TRIM50: variants seen among roughly 807,000 people sequenced by gnomAD.
TRIM50 encodes tripartite motif containing 50.
In TRIM50, 34 loss-of-function variants were observed where a neutral mutation model predicts 44.9. That is an observed-to-expected ratio of 0.76 (90% CI 0.58 to 1.01). The LOEUF is 1.01. TRIM50 is among the 50% of genes least tolerant of loss of function. TRIM50 has a pLI of 0.00. For missense variants in TRIM50, 633 were observed against 663.7 expected, an observed-to-expected ratio of 0.95 and a Z score of 0.51; for synonymous variants, 307 against 291.1, an observed-to-expected ratio of 1.05 and a Z score of -0.56.
chr7:73,323,512 G>A (rs1164711803), intron 2 of TRIM50, among the ~76,000 whole-genome samples: 8 of 152,104 alleles, frequency 5.3e-5, no homozygotes, highest in Admixed American at 1.3e-4. Context: ...ACCCAGTCAC[G>A]TGTTTTATAA....
intron 6 of TRIM50, chr7:73,314,608 G>T: frequency 3.9e-6 from 1 of 258,066 alleles, no homozygotes; most frequent in South Asian, 3.8e-5. Flanking sequence ...CAGCACTTTG[G>T]GAGGCTGAGA....
intron 5 of TRIM50, among the ~76,000 whole-genome samples, chr7:73,317,389 G>C (rs1398007865): frequency 3.0e-5 from 3 of 99,418 alleles, no homozygotes; most frequent in Admixed American, 1.3e-4. Flanking sequence ...ATGGAGTCTT[G>C]CTCTGTCGCC....
rs1804369159 is a variant in TRIM50 at position 73,316,692 on chromosome 7, G to A, written c.750-3C>T. On this transcript the variant is annotated splice_region_variant and splice_polypyrimidine_tract_variant and intron_variant, in intron 5 of 6. Transcript: ENST00000333149. ...GCCGGGCCTGCGGCATCTCTGCTCTGCAGGTGACAGTTCACAGTACAAGAG... is the reference window on the plus strand; with the variant it reads ...GCCGGGCCTGCGGCATCTCTGCTCTACAGGTGACAGTTCACAGTACAAGAG... The A allele has an allele frequency of 6.2e-7, 1 of 1,613,674 alleles. No individual in the cohort carries two copies. Among genetic ancestry groups the A allele is most frequent in the Non-Finnish European group, 8.5e-7 (1 of 1,179,952 alleles).
chr7:73,326,354 C>A (rs1309328486), intron 1 of TRIM50, among the ~76,000 whole-genome samples: 2 of 151,020 alleles, frequency 1.3e-5, no homozygotes, highest in Non-Finnish European at 2.9e-5. Context: ...CCTCCTACCT[C>A]AGCCTCCCAA....
rs1804252809 is a variant in TRIM50 at position 73,312,879 on chromosome 7, C to T, written c.*42G>A. The T allele has an allele frequency of 1.4e-6, 2 of 1,447,690 alleles. No homozygotes were observed. The highest frequency in any genetic ancestry group is 2.9e-5 in the African/African-American group (2 of 70,122). The allele number at this position is 1,447,690 out of a possible 1,614,324, so 89.7% of individuals were successfully genotyped here. On this transcript the variant is annotated 3_prime_UTR_variant, in exon 7 of 7. Transcript: ENST00000333149. ...CAGAAGCCCGCGAGTCCCCGGTGCC[C>T]CGCCGGGATGGGCCTGTGGGCCGGC...
chr7:73,313,266 C>T lies in TRIM50; in HGVS notation c.1119G>A (p.Lys373=). 1 of 1,601,724 alleles carries T rather than the reference C, an allele frequency of 6.2e-7. No homozygotes were observed. Among genetic ancestry groups the T allele is most frequent in the South Asian group, 1.1e-5 (1 of 88,860 alleles). ...GCTCGGGGGACCTGTTCAGCTTGCC[C>T]TTACGGCTGGCTGTGCCCTTGATGA... ...LGVIKGTASR[K]GKLNRSPEHG... The change falls in exon 7 of 7, where the codon AAG becomes AAA. Residue 373 remains lysine (K), a synonymous_variant. Transcript: ENST00000333149. The surrounding 1 kb of genome is among the most constrained non-coding windows in gnomAD (Gnocchi z 4.9).
rs371294385 is a variant in TRIM50 at position 73,318,669 on chromosome 7, T to C, written c.749+18A>G. On this transcript the variant is annotated intron_variant, in intron 5 of 6. Transcript: ENST00000333149. ...CGCAGCCACCAGACCCTGGCTGAGC[T>C]CTCTCCAAGGTTATTACCTGGAGGC... 6.2e-7 allele frequency: 1 copy of C among 1,612,998 alleles called. No homozygotes were observed. Among genetic ancestry groups the C allele is most frequent in the Non-Finnish European group, 8.5e-7 (1 of 1,179,856 alleles).
chr7:73,325,311 A>G (rs1296422564), intron 1 of TRIM50, among the ~76,000 whole-genome samples: 9 of 151,962 alleles, frequency 5.9e-5, no homozygotes, highest in African/African-American at 2.2e-4. Context: ...GAGACCCAGA[A>G]CTCTACACTT....
chr7:73,312,970 G>T lies in TRIM50; in HGVS notation c.1415C>A (p.Pro472Gln). 1 of 1,550,808 alleles carries T rather than the reference G, an allele frequency of 6.4e-7. No homozygotes were observed. The highest frequency in any genetic ancestry group is 1.2e-5 in the South Asian group (1 of 84,034). ...GCTGAGGGGGCCAGGCCCGCTGGGC[G>T]GGGGCAGCACCATGGGCAGCGAGTT... ...GSNSLPMVLPPPSGPGPLSPE... is the reference protein window; with the variant it reads ...GSNSLPMVLPQPSGPGPLSPE... The change falls in exon 7 of 7, where the codon CCG becomes CAG. Residue 472 changes from proline to glutamine, a missense_variant. Transcript: ENST00000333149.
chr7:73,318,632 G>C (rs1196617370), intron 5 of TRIM50, 55 bp downstream of exon 5: 2 of 1,612,146 alleles, frequency 1.2e-6, no homozygotes, highest in Non-Finnish European at 1.7e-6. Context: ...GTGGAGCTGA[G>C]ATGCCCGTGC....
chr7:73,313,294 C>T lies in TRIM50; in HGVS notation c.1091G>A (p.Gly364Glu). The T allele has an allele frequency of 6.2e-7, 1 of 1,605,694 alleles. No homozygotes were observed. The highest frequency in any genetic ancestry group is 8.5e-7 in the Non-Finnish European group (1 of 1,177,044). Residue 364 changes from glycine (G) to glutamate (E), a missense_variant, in exon 7 of 7, where the codon GGG (glycine) becomes GAG (glutamate). Physicochemically the swap from Gly to Glu is moderately conservative, Grantham distance 98 (BLOSUM62 -2). Transcript: ENST00000333149. This position sits in a 1 kb window ranked among gnomAD's most constrained non-coding sequence, Gnocchi z 4.9. ...VVGSKSDWRL[G>E]VIKGTASRKG... Reference sequence around the variant, plus strand: ...ACGGCTGGCTGTGCCCTTGATGACCCCCAGGCGCCAGTCGCTCTTGCTGCC... The same window carrying T: ...ACGGCTGGCTGTGCCCTTGATGACCTCCAGGCGCCAGTCGCTCTTGCTGCC...
intron 2 of TRIM50, 141 bp downstream of exon 2, chr7:73,324,248 C>A: frequency 6.8e-7 from 1 of 1,478,546 alleles, no homozygotes; most frequent in South Asian, 1.3e-5. Flanking sequence ...AGCTCAAACG[C>A]TAAGGAATGA....
At position 73,312,886 on chromosome 7, in the gene TRIM50, G is replaced by C; in HGVS notation, c.*35C>G. 6.8e-7 allele frequency: 1 copy of C among 1,473,414 alleles called. No homozygotes were observed. The highest frequency in any genetic ancestry group is 9.0e-7 in the Non-Finnish European group (1 of 1,109,376). 91.3% of individuals were successfully genotyped at this position (1,473,414 alleles called of 1,614,324 possible). A position where few individuals can be genotyped will look rare whatever the true frequency, so the allele number is the denominator to read the frequency against. ...CCGCGAGTCCCCGGTGCCCCGCCGG[G>C]ATGGGCCTGTGGGCCGGCAGGACTC... On this transcript the variant is annotated 3_prime_UTR_variant, in exon 7 of 7. Transcript: ENST00000333149.
At chr7:73,317,798 A>G (rs1418661697) in intron 5 of TRIM50, among the ~76,000 whole-genome samples, 4 of 152,190 alleles carry the variant, frequency 2.6e-5, no homozygotes, top group South Asian at 2.1e-4. Context: ...GGTCTAGAAC[A>G]TGGATCCACT....
At chr7:73,316,843 T>C in intron 5 of TRIM50, 154 bp from the exon 6 acceptor site, 1 of 1,145,640 alleles carries the variant, frequency 8.7e-7, no homozygotes, top group Non-Finnish European at 1.2e-6. Flanking sequence ...GCACAGCCCC[T>C]TCAGGGAGGA....
In TRIM50 at chr7:73,320,200, T is replaced by TCTGCTC; in HGVS notation, c.436_441dup (p.Glu146_Gln147dup). 6.2e-7 allele frequency: 1 copy of TCTGCTC among 1,614,012 alleles called. No homozygotes were observed. Among genetic ancestry groups the TCTGCTC allele is most frequent in the Non-Finnish European group, 8.5e-7 (1 of 1,179,874 alleles). On this transcript the variant is annotated inframe_insertion, in exon 3 of 7. Transcript: ENST00000333149. ...TTGGCGATGAGCTCATCCACCTTTTTCTGCTCCTGCTTCAGCTCAGAGATG... is the reference window on the plus strand; with the variant it reads ...TTGGCGATGAGCTCATCCACCTTTTTCTGCTCCTGCTCCTGCTTCAGCTCAGAGATG...
chr7:73,323,885 G>A (rs1312106690), intron 2 of TRIM50, among the ~76,000 whole-genome samples: 2 of 152,040 alleles, frequency 1.3e-5, no homozygotes, highest in Non-Finnish European at 2.9e-5. Flanking sequence ...TACAAAATAT[G>A]AAAAATGAGC....
chr7:73,314,275 G>T, intron 6 of TRIM50: 1 of 327,152 alleles, frequency 3.1e-6, no homozygotes. Flanking sequence ...TTGTGCAATG[G>T]TCCTGCTCGG....
chr7:73,313,650 G>C lies in TRIM50; in HGVS notation c.875-140C>G, dbSNP rs1662361513. On this transcript the variant is annotated intron_variant, in intron 6 of 6. Transcript: ENST00000333149. This position sits in a 1 kb window ranked among gnomAD's most constrained non-coding sequence, Gnocchi z 4.9. ...CTCTCTAGCCCCAGGGTCTAGAAGG[G>C]GCCAGTACAGGGCTGCTCCCTGAAT... The C allele has an allele frequency of 1.6e-6, 1 of 640,570 alleles. No homozygotes were observed. The highest frequency in any genetic ancestry group is 1.8e-5 in the African/African-American group (1 of 54,404). 39.7% of individuals were successfully genotyped at this position (640,570 alleles called of 1,614,324 possible).
Sources: allele counts gnomAD v4.1 joint callset (sites outside exome capture counted in the v4.1 genomes callset), GRCh38; gene constraint gnomAD v4.1.1; non-coding constraint Gnocchi (gnomAD v3.1); transcripts MANE v1.5; gene names NCBI Gene and HGNC (gene_info 2026-07-23, HGNC 2026-07-21).